Variants in SLIT3 observed in about 807,000 individuals in gnomAD.
SLIT3 encodes slit guidance ligand 3.
SLIT3 carries 68 observed loss-of-function variants against 184.0 expected under a neutral mutation model. The ratio of observed to expected loss-of-function variants is 0.37; its 90% confidence interval spans 0.30 to 0.45. The LOEUF (loss-of-function observed/expected upper bound fraction) is 0.45, where lower values mean the gene tolerates loss of function less well. Ranked by LOEUF, SLIT3 falls within the 20% of genes least tolerant of loss-of-function variation. SLIT3 has a pLI of 1.00. For synonymous variants in SLIT3, 831 were observed against 828.6 expected (o/e 1.00, Z -0.05); for missense variants, 1,707 against 2,026.0 (o/e 0.84, Z 3.02).
At chr5:169,097,825 C>G (rs568804184) in intron 4 of SLIT3, among the ~76,000 whole-genome samples, 1 of 152,304 alleles carries the variant, frequency 6.6e-6, no homozygotes, top group East Asian at 1.9e-4. Flanking sequence ...TAGGTCCAAA[C>G]CCTGCTCCCC....
chr5:168,913,742 A>C (rs1424768902), intron 4 of SLIT3, among the ~76,000 whole-genome samples: 1 of 42,772 alleles, frequency 2.3e-5, no homozygotes, highest in South Asian at 9.5e-4. Context: ...ACTCCGTCTC[A>C]AAAAAAAAAA....
In SLIT3 at chr5:168,779,268, C is replaced by T. The variant is rs144637126; in HGVS notation, c.1152-4890G>A. 1.5e-3 allele frequency among the ~76,000 whole-genome samples: 221 copies of T among 152,260 alleles called. 2 individuals carry two copies. Among genetic ancestry groups the T allele is most frequent in the African/African-American group, 4.4e-3 (183 of 41,540 alleles). On this transcript the variant is annotated intron_variant, in intron 12 of 35. Transcript: ENST00000519560. ...CGTCATGCTGCTGTGAGAGCCAGTCCCCTCTCACTAAGAGCCTAAGGGAGC... is the reference window on the plus strand; with the variant it reads ...CGTCATGCTGCTGTGAGAGCCAGTCTCCTCTCACTAAGAGCCTAAGGGAGC...
chr5:168,890,762 A>G (rs1199613172), intron 4 of SLIT3, among the ~76,000 whole-genome samples: 1 of 152,198 alleles, frequency 6.6e-6, no homozygotes, highest in African/African-American at 2.4e-5. Flanking sequence ...AGGGAGTTTC[A>G]TTTATCATCT....
In SLIT3 at chr5:169,300,970, C is replaced by G; in HGVS notation, c.-261G>C. On this transcript the variant is annotated 5_prime_UTR_variant, in exon 1 of 36. Coordinates refer to ENST00000519560, the MANE Select transcript of SLIT3 (RefSeq NM_003062.4). The surrounding 1 kb of genome is among the most constrained non-coding windows in gnomAD (Gnocchi z 4.1). ...TCGCTGGGAGTGCCCAGGTGCGGAG[C>G]GCCCCCTGGCCCCGCTGGCCCGCGG... 5.5e-6 allele frequency: 1 copy of G among 181,194 alleles called. No individual in the cohort carries two copies. 11.2% of individuals were successfully genotyped at this position (181,194 alleles called of 1,614,324 possible).
intron 5 of SLIT3, among the ~76,000 whole-genome samples, chr5:168,856,766 CGTGTGTGTGTGTGTGTGTGTGT>C (rs372608852): frequency 7.5e-6 from 1 of 132,866 alleles, no homozygotes; most frequent in Admixed American, 7.6e-5. Context: ...CTGAGTTCCT[CGTGTGTGTGTGTGTGTGTGTGT>C]GTGTGTGTGT....
At chr5:169,216,772 T>C (rs1179853831) in intron 3 of SLIT3, among the ~76,000 whole-genome samples, 2 of 152,196 alleles carry the variant, frequency 1.3e-5, no homozygotes, top group African/African-American at 4.8e-5. Context: ...AGCCTGAGTT[T>C]GTCTTTTCTC....
intron 3 of SLIT3, among the ~76,000 whole-genome samples, chr5:169,218,774 C>G (rs1029732001): frequency 6.6e-6 from 1 of 152,126 alleles, no homozygotes; most frequent in Non-Finnish European, 1.5e-5. Context: ...TTCATGCTAC[C>G]CATGGTTGTT....
intron 4 of SLIT3, among the ~76,000 whole-genome samples, chr5:169,007,570 G>T (rs768357077): frequency 3.9e-5 from 6 of 152,242 alleles, no homozygotes; most frequent in Non-Finnish European, 5.9e-5. Context: ...TGTGTGTTAA[G>T]TGTGTATTTT....
intron 20 of SLIT3, among the ~76,000 whole-genome samples, chr5:168,746,292 ATGTGGGTGTGGTGG>A (rs1242850128): frequency 3.4e-5 from 4 of 119,160 alleles, no homozygotes; most frequent in Non-Finnish European, 5.3e-5. Context: ...GTGTGGTGGT[ATGTGGGTGTGGTGG>A]TGTGGGTGTG....
chr5:168,697,202 G>A lies in SLIT3; in HGVS notation c.2943-771C>T, dbSNP rs80141970. ...GCCCCTCCAGCTTCTGGGGGATGAA[G>A]GCTAGAGTGGGAGGATCCCTCGCCT... On this transcript the variant is annotated intron_variant, in intron 27 of 35. Transcript: ENST00000519560. Among the ~76,000 whole-genome samples, 338 of 152,318 alleles carry A rather than the reference G, an allele frequency of 2.2e-3. 1 individual carries two copies. The highest frequency in any genetic ancestry group is 7.7e-3 in the African/African-American group (320 of 41,582).
intron 20 of SLIT3, among the ~76,000 whole-genome samples, chr5:168,734,847 A>G (rs1763384640): frequency 1.3e-5 from 2 of 151,980 alleles, no homozygotes; most frequent in South Asian, 4.2e-4. Flanking sequence ...TGTGATGAAA[A>G]CCCCTGAACT....
chr5:169,262,057 T>C (rs1479947441), intron 1 of SLIT3, among the ~76,000 whole-genome samples: 1 of 152,186 alleles, frequency 6.6e-6, no homozygotes, highest in African/African-American at 2.4e-5. Context: ...CAGGTCCTTC[T>C]CCAGTTGAGC....
At chr5:168,730,924 T>A (rs990263343) in intron 20 of SLIT3, among the ~76,000 whole-genome samples, 2 of 151,136 alleles carry the variant, frequency 1.3e-5, no homozygotes, top group Admixed American at 1.3e-4. Flanking sequence ...AGAAAAGAAA[T>A]AACAAAAATC....
chr5:169,132,189 G>C (rs60693559), intron 4 of SLIT3, among the ~76,000 whole-genome samples: 6,343 of 152,234 alleles, frequency 0.042, 434 homozygotes, highest in African/African-American at 0.14. Flanking sequence ...AAAAGGAAGG[G>C]GGAAAAGGCG....
intron 4 of SLIT3, among the ~76,000 whole-genome samples, chr5:169,120,877 G>T (rs759347028): frequency 4.6e-5 from 7 of 152,052 alleles, no homozygotes; most frequent in Non-Finnish European, 1.0e-4. Context: ...GAGGTGATGG[G>T]TCTAATCCTA....
At chr5:169,005,587 T>C (rs1755890087) in intron 4 of SLIT3, among the ~76,000 whole-genome samples, 1 of 152,216 alleles carries the variant, frequency 6.6e-6, no homozygotes, top group African/African-American at 2.4e-5. Flanking sequence ...TGGAAAGGAT[T>C]TGCAAATGAC....
At position 169,227,790 on chromosome 5, in the gene SLIT3, C is replaced by A. The variant is rs533813727; in HGVS notation, c.341+16915G>T. 1.9e-3 allele frequency among the ~76,000 whole-genome samples: 286 copies of A among 152,340 alleles called. 1 individual carries two copies. Among genetic ancestry groups the A allele is most frequent in the Non-Finnish European group, 3.2e-3 (217 of 68,038 alleles). On this transcript the variant is annotated intron_variant, in intron 3 of 35. Coordinates refer to ENST00000519560, the MANE Select transcript of SLIT3 (RefSeq NM_003062.4). The stretch of plus-strand genomic sequence containing the variant: ...TTGCACTAACCTAATACTTCTATTA[C>A]CCCCTTTCGCAGATGAGGAGATGAA...
chr5:168,877,136 A>G (rs780185791), intron 5 of SLIT3, among the ~76,000 whole-genome samples: 5 of 152,230 alleles, frequency 3.3e-5, no homozygotes, highest in African/African-American at 1.2e-4. Context: ...TCCAGAGACA[A>G]GTAATAACAG....
rs192525737 is a variant in SLIT3 at position 169,006,720 on chromosome 5, C to G, written c.414-123384G>C. 1.9e-3 allele frequency among the ~76,000 whole-genome samples: 292 copies of G among 152,214 alleles called. 1 individual carries two copies. Among genetic ancestry groups the G allele is most frequent in the Admixed American group, 5.6e-3 (85 of 15,284 alleles). ...TTCAAAGAAAGAAAAGTTAATTCTT[C>G]ACCTCCATTTGTCTTTTCCTCCCCA... On this transcript the variant is annotated intron_variant, in intron 4 of 35. Coordinates refer to ENST00000519560, the MANE Select transcript of SLIT3 (RefSeq NM_003062.4).
Sources: allele counts gnomAD v4.1 joint callset (sites outside exome capture counted in the v4.1 genomes callset), GRCh38; gene constraint gnomAD v4.1.1; non-coding constraint Gnocchi (gnomAD v3.1); transcripts MANE v1.5; gene names NCBI Gene and HGNC (gene_info 2026-07-23, HGNC 2026-07-21).